The following ABCC1 variants were observed in gnomAD, a reference collection of about 807,000 sequenced individuals.
The protein encoded by ABCC1 is ATP binding cassette subfamily C member 1 (ABCC1 blood group).
Under a neutral mutation model 172.9 loss-of-function variants are expected in ABCC1, and 83 were observed. That is an observed-to-expected ratio of 0.48 (90% CI 0.40 to 0.58). The LOEUF (loss-of-function observed/expected upper bound fraction) is 0.58, where lower values mean the gene tolerates loss of function less well. Among genes scored for constraint, ABCC1 ranks in the 20% least tolerant of loss-of-function variants. ABCC1 has a pLI of 0.00. For missense variants in ABCC1, 1,817 were observed against 2,002.7 expected (o/e 0.91, Z 1.77); for synonymous variants, 937 against 825.2 (o/e 1.14, Z -2.32).
At chr16:15,977,162 G>A (rs151073291) in intron 1 of ABCC1, among the ~76,000 whole-genome samples, 6 of 152,188 alleles carry the variant, frequency 3.9e-5, no homozygotes, top group African/African-American at 9.7e-5. Context: ...TGAAGATGAC[G>A]GTGGTTTTTC....
intron 1 of ABCC1, among the ~76,000 whole-genome samples, chr16:16,004,341 C>T (rs1169465931): frequency 3.2e-4 from 48 of 152,202 alleles, no homozygotes; most frequent in East Asian, 1.9e-4. Context: ...GTCTTGGTAT[C>T]GTTTTCTTTC....
At chr16:15,993,187 G>C (rs11865361) in intron 1 of ABCC1, among the ~76,000 whole-genome samples, 4,283 of 152,234 alleles carry the variant, frequency 0.028, 180 homozygotes, top group African/African-American at 0.089. Flanking sequence ...ACTAGCCCAG[G>C]TCTAGGCATA....
intron 19 of ABCC1, among the ~76,000 whole-genome samples, chr16:16,092,960 T>G (rs1368580264): frequency 6.6e-6 from 1 of 152,230 alleles, no homozygotes; most frequent in African/African-American, 2.4e-5. Context: ...GCACTCCATC[T>G]GGCCTGGGTG....
At chr16:15,998,573 G>A (rs140409922) in intron 1 of ABCC1, among the ~76,000 whole-genome samples, 44 of 152,286 alleles carry the variant, frequency 2.9e-4, no homozygotes, top group African/African-American at 7.9e-4. Context: ...ATTTCCTCTC[G>A]TCATGCCTTC....
At chr16:16,093,195 C>T (rs1451367845) in intron 19 of ABCC1, among the ~76,000 whole-genome samples, 6 of 152,132 alleles carry the variant, frequency 3.9e-5, no homozygotes, top group African/African-American at 7.2e-5. Context: ...GGCAACTTCT[C>T]GGTGACTTTT....
At chr16:15,966,285 AC>A (rs1342928810) in intron 1 of ABCC1, among the ~76,000 whole-genome samples, 3 of 151,858 alleles carry the variant, frequency 2.0e-5, no homozygotes, top group African/African-American at 7.3e-5. Flanking sequence ...GGTGGCAGGC[AC>A]CTGTAATCTC....
chr16:15,956,754 G>T (rs987607124), intron 1 of ABCC1, among the ~76,000 whole-genome samples: 14 of 152,112 alleles, frequency 9.2e-5, no homozygotes, highest in Admixed American at 8.5e-4. Context: ...AAGTGGAAGT[G>T]GATCATCATA....
At chr16:16,066,198 T>C (rs1287884654) in intron 12 of ABCC1, among the ~76,000 whole-genome samples, 2 of 152,110 alleles carry the variant, frequency 1.3e-5, no homozygotes, top group African/African-American at 4.8e-5. Context: ...TTCTTTTTTT[T>C]TGAGACGAAG....
At chr16:15,992,888 T>C (rs1815057907) in intron 1 of ABCC1, among the ~76,000 whole-genome samples, 1 of 152,068 alleles carries the variant, frequency 6.6e-6, no homozygotes, top group African/African-American at 2.4e-5. Flanking sequence ...TGCAGCCATA[T>C]CCTCCCCCCA....
At position 16,016,994 on chromosome 16, in the gene ABCC1, G is replaced by A. The variant is rs538939899; in HGVS notation, c.615+373G>A. Among the ~76,000 whole-genome samples, 31 of 152,288 alleles carry A rather than the reference G, an allele frequency of 2.0e-4. 2 individuals are homozygous for A. The South Asian group carries it at 6.4e-3, about 32-fold the overall frequency. On this transcript the variant is annotated intron_variant, in intron 5 of 30. Coordinates refer to ENST00000399410, the MANE Select transcript of ABCC1 (RefSeq NM_004996.4). ...GACAGATTAGGCCTATAATCCTACA[G>A]GGCAGAGCTGAGGAGTTGCTGGAGT...
chr16:16,015,005 C>T (rs903408024), intron 4 of ABCC1, among the ~76,000 whole-genome samples: 1 of 152,314 alleles, frequency 6.6e-6, no homozygotes, highest in East Asian at 1.9e-4. Context: ...TGCAGAGTGA[C>T]TGTTCCCCTG....
intron 11 of ABCC1, among the ~76,000 whole-genome samples, chr16:16,054,192 C>CA (rs2049553658): frequency 6.6e-6 from 1 of 152,120 alleles, no homozygotes; most frequent in Non-Finnish European, 1.5e-5. Context: ...CCAGGCTGGT[C>CA]TTGAACTCCT....
At chr16:16,126,436 T>G (rs1023092226) in intron 26 of ABCC1, among the ~76,000 whole-genome samples, 3 of 152,162 alleles carry the variant, frequency 2.0e-5, no homozygotes, top group Non-Finnish European at 4.4e-5. Context: ...CAGGCTGGAG[T>G]GCAGTGGCAC....
intron 1 of ABCC1, among the ~76,000 whole-genome samples, chr16:15,955,830 A>G (rs1439591732): frequency 6.6e-6 from 1 of 152,208 alleles, no homozygotes; most frequent in East Asian, 1.9e-4. Flanking sequence ...CCATAGGGGC[A>G]GGGATTTTGG....
intron 1 of ABCC1, among the ~76,000 whole-genome samples, chr16:16,007,506 G>C (rs975987096): frequency 6.6e-6 from 1 of 152,156 alleles, no homozygotes; most frequent in African/African-American, 2.4e-5. Context: ...TTACAGGCAT[G>C]AGCCACTGCA....
intron 6 of ABCC1, among the ~76,000 whole-genome samples, chr16:16,035,846 G>A (rs1350537277): frequency 6.6e-6 from 1 of 151,774 alleles, no homozygotes; most frequent in East Asian, 2.0e-4. Flanking sequence ...GGGCACGGTG[G>A]CTTATGCCTA....
At chr16:16,012,792 C>G (rs542544550) in intron 3 of ABCC1, among the ~76,000 whole-genome samples, 3 of 151,838 alleles carry the variant, frequency 2.0e-5, no homozygotes, top group Admixed American at 6.6e-5. Flanking sequence ...AAGTGATTCT[C>G]CTGCCTCAGC....
chr16:16,016,651 CGT>C lies in ABCC1; in HGVS notation c.615+40_615+41del, dbSNP rs749067342. ...GTGTGACCACAGATGAGTGTGTGTGCGTGTGTGTGTGAGAGAGATGCGTGACA... is the reference window on the plus strand; with the variant it reads ...GTGTGACCACAGATGAGTGTGTGTGCGTGTGTGTGAGAGAGATGCGTGACA... On this transcript the variant is annotated intron_variant, in intron 5 of 30. Coordinates refer to ENST00000399410, the MANE Select transcript of ABCC1 (RefSeq NM_004996.4). 3.1e-6 allele frequency: 5 copies of C among 1,612,040 alleles called. No homozygotes were observed. In the East Asian group the frequency reaches 6.7e-5, roughly 22 times the overall value.
intron 1 of ABCC1, among the ~76,000 whole-genome samples, chr16:15,969,823 T>C (rs2046327094): frequency 6.6e-6 from 1 of 152,078 alleles, no homozygotes; most frequent in African/African-American, 2.4e-5. Flanking sequence ...ATGGGTCCCA[T>C]GGCCTGACTG....
Sources: allele counts gnomAD v4.1 joint callset (sites outside exome capture counted in the v4.1 genomes callset), GRCh38; gene constraint gnomAD v4.1.1; transcripts MANE v1.5; gene names NCBI Gene and HGNC (gene_info 2026-07-23, HGNC 2026-07-21).